Variants in DCDC1 observed in about 807,000 individuals in gnomAD.
DCDC1 encodes the protein doublecortin domain-containing protein 1.
DCDC1 carries 200 observed loss-of-function variants against 178.3 expected under a neutral mutation model. The ratio of observed to expected loss-of-function variants is 1.12; its 90% confidence interval spans 1.00 to 1.26. DCDC1 has a LOEUF of 1.26. Ranked by LOEUF, DCDC1 falls within the 50% of genes most tolerant of loss-of-function variation. The probability of loss-of-function intolerance (pLI) is 0.00; values close to 1 mark genes in which losing one functional copy is unlikely to be tolerated. For synonymous variants in DCDC1, 690 were observed against 604.8 expected, an observed-to-expected ratio of 1.14 and a Z score of -2.07; for missense variants, 1,983 against 1,749.2, an observed-to-expected ratio of 1.13 and a Z score of -2.38.
intron 9 of DCDC1, among the ~76,000 whole-genome samples, chr11:31,182,315 A>G (rs997983287): frequency 2.0e-5 from 3 of 151,150 alleles, no homozygotes; most frequent in African/African-American, 7.3e-5. Context: ...ATTGAAATGA[A>G]GGCAGCCTGA....
At chr11:31,213,852 G>A (rs1973178656) in intron 9 of DCDC1, among the ~76,000 whole-genome samples, 1 of 149,256 alleles carries the variant, frequency 6.7e-6, no homozygotes, top group Non-Finnish European at 1.5e-5. Flanking sequence ...AAGGGAGTAT[G>A]TATCACTCAT....
chr11:31,330,755 A>G (rs935707967), intron 2 of DCDC1, among the ~76,000 whole-genome samples: 8 of 152,084 alleles, frequency 5.3e-5, no homozygotes, highest in African/African-American at 1.9e-4. Context: ...CCATTGGTCT[A>G]TATCTCTGTT....
At chr11:30,938,014 A>G (rs2134363967) in intron 21 of DCDC1, among the ~76,000 whole-genome samples, 1 of 151,470 alleles carries the variant, frequency 6.6e-6, no homozygotes, top group East Asian at 2.0e-4. Context: ...TTCCTCCTCA[A>G]TGGCCTCATT....
At chr11:30,877,118 G>C (rs890436809) in intron 38 of DCDC1, among the ~76,000 whole-genome samples, 1 of 152,128 alleles carries the variant, frequency 6.6e-6, no homozygotes, top group African/African-American at 2.4e-5. Context: ...GCTTTTAGTG[G>C]TGTCAGAGGC....
In DCDC1 at chr11:31,179,224, C is replaced by T. The variant is rs76838840; in HGVS notation, c.1222-41440G>A. On this transcript the variant is annotated intron_variant, in intron 9 of 38. Transcript: ENST00000684477. ...ATGTGGAGAAAAGGGAAAAGGAAAA[C>T]CTACATACTGTTGGTGGGATTGAAA... is the stretch of plus-strand genomic sequence containing the variant. Among the ~76,000 whole-genome samples, 908 of 152,208 alleles carry T rather than the reference C, an allele frequency of 6.0e-3. 12 individuals carry two copies. Among genetic ancestry groups the T allele is most frequent in the African/African-American group, 0.021 (873 of 41,518 alleles).
intron 1 of DCDC1, among the ~76,000 whole-genome samples, chr11:31,363,735 T>A (rs1006819522): frequency 1.3e-5 from 2 of 152,200 alleles, no homozygotes; most frequent in African/African-American, 4.8e-5. Context: ...CACCCCTTGA[T>A]CATTCAGATT....
chr11:31,291,421 A>T (rs1201119098), intron 6 of DCDC1, among the ~76,000 whole-genome samples: 1 of 152,094 alleles, frequency 6.6e-6, no homozygotes, highest in Non-Finnish European at 1.5e-5. Context: ...AATGAAAAAC[A>T]GTTTTTCATT....
chr11:31,015,257 T>C (rs1337997582), intron 20 of DCDC1, among the ~76,000 whole-genome samples: 1 of 152,170 alleles, frequency 6.6e-6, no homozygotes, highest in Non-Finnish European at 1.5e-5. Flanking sequence ...CTATTCTCCT[T>C]TTCTTGATTC....
At chr11:30,929,301 G>A (rs1946782390) in intron 22 of DCDC1, among the ~76,000 whole-genome samples, 1 of 152,002 alleles carries the variant, frequency 6.6e-6, no homozygotes, top group South Asian at 2.1e-4. Flanking sequence ...TCTCATGGAT[G>A]GAACATAAGC....
intron 11 of DCDC1, among the ~76,000 whole-genome samples, chr11:31,113,401 T>C (rs1235190029): frequency 1.3e-5 from 2 of 152,042 alleles, no homozygotes; most frequent in African/African-American, 2.4e-5. Flanking sequence ...TAACTAGTCA[T>C]TTACATTAGG....
rs989473207 is a variant in DCDC1, at chr11:31,152,349, G to C, written c.1222-14565C>G. Among the ~76,000 whole-genome samples the C allele has an allele frequency of 3.3e-5, 5 of 152,238 alleles. No individual in the cohort carries two copies. The South Asian group carries it at 1.0e-3, about 32-fold the overall frequency. ...ACTGTAAGTCAGGCTGGGAGATAGA[G>C]TATAGTTGTATTTCAAAAAAAGAAA... On this transcript the variant is annotated intron_variant, in intron 9 of 38. Coordinates refer to ENST00000684477, the MANE Select transcript of DCDC1 (RefSeq NM_001387274.1).
At chr11:30,903,350 T>A in intron 32 of DCDC1, 132 bp downstream of exon 32, 1 of 868,930 alleles carries the variant, frequency 1.2e-6, no homozygotes, top group Non-Finnish European at 1.6e-6. Context: ...TCATTGACAC[T>A]CTTCGGGTCA....
intron 9 of DCDC1, among the ~76,000 whole-genome samples, chr11:31,141,971 T>C (rs952858072): frequency 6.6e-6 from 1 of 152,182 alleles, no homozygotes; most frequent in African/African-American, 2.4e-5. Flanking sequence ...TTGTGTGTTA[T>C]TGTAGAGCTG....
intron 20 of DCDC1, among the ~76,000 whole-genome samples, chr11:31,024,945 T>C (rs1164961949): frequency 2.0e-5 from 3 of 151,942 alleles, no homozygotes; most frequent in South Asian, 4.1e-4. Flanking sequence ...TTTGTCTGCA[T>C]TTCCATTAAT....
chr11:31,323,152 T>C (rs1949458565), intron 3 of DCDC1, among the ~76,000 whole-genome samples: 1 of 152,200 alleles, frequency 6.6e-6, no homozygotes. Context: ...AAAACATCCT[T>C]GCTATTTTTA....
At chr11:31,233,336 G>C (rs1195124585) in intron 9 of DCDC1, among the ~76,000 whole-genome samples, 1 of 152,108 alleles carries the variant, frequency 6.6e-6, no homozygotes, top group African/African-American at 2.4e-5. Flanking sequence ...AGCTTCACAT[G>C]GGTATGCTTT....
At chr11:31,170,156 C>A (rs1967032717) in intron 9 of DCDC1, among the ~76,000 whole-genome samples, 1 of 152,136 alleles carries the variant, frequency 6.6e-6, no homozygotes, top group Non-Finnish European at 1.5e-5. Context: ...ACTGGGGCAC[C>A]ATCTAGGAGC....
At chr11:31,222,836 T>C (rs1468965166) in intron 9 of DCDC1, among the ~76,000 whole-genome samples, 1 of 152,116 alleles carries the variant, frequency 6.6e-6, no homozygotes, top group Admixed American at 6.6e-5. Context: ...AACTACTCTA[T>C]AAAGGCCCTA....
intron 20 of DCDC1, among the ~76,000 whole-genome samples, chr11:31,023,828 G>A (rs1953051531): frequency 6.6e-6 from 1 of 151,760 alleles, no homozygotes; most frequent in Non-Finnish European, 1.5e-5. Context: ...TCAGATATAT[G>A]CAAATTAAGG....
Sources: gnomAD v4.1 joint callset for allele counts (sites outside exome capture counted in the v4.1 genomes callset) on GRCh38, gnomAD v4.1.1 for gene constraint, MANE v1.5 for transcripts, NCBI Gene and HGNC (gene_info 2026-07-23, HGNC 2026-07-21) for gene names.